CADPS2: variants seen among roughly 807,000 people sequenced by gnomAD.
The protein encoded by CADPS2 is calcium-dependent secretion activator 2.
A neutral mutation model predicts 172.5 loss-of-function variants in CADPS2; 93 were observed. The observed-to-expected ratio is 0.54, with a 90% CI of 0.46 to 0.64. The LOEUF is 0.64. Ranked by LOEUF, CADPS2 falls within the 30% of genes least tolerant of loss-of-function variation. The probability of loss-of-function intolerance (pLI) is 0.00; values close to 1 mark genes in which losing one functional copy is unlikely to be tolerated. For missense variants in CADPS2, 1,420 were observed against 1,565.9 expected, an observed-to-expected ratio of 0.91 and a Z score of 1.57; for synonymous variants, 546 against 555.2, an observed-to-expected ratio of 0.98 and a Z score of 0.23.
Position 122,886,277 on chromosome 7 carries a change from C to G in CADPS2, c.61G>C (p.Asp21His). ...GAGCTGCCGGCTGCCACCAGCACAT[C>G]GCGGCTTTCCTCTTCCAGCCCCTCG... ...SDEGLEEESR[D>H]VLVAAGSSQR... The change falls in exon 1 of 30, where the codon GAT becomes CAT. Residue 21 changes from aspartate (D) to histidine (H), a missense_variant. Physicochemically the swap from Asp to His is moderately conservative, Grantham distance 81. Coordinates refer to ENST00000449022, the MANE Select transcript of CADPS2 (RefSeq NM_017954.11). 1 of 1,505,298 alleles carries G rather than the reference C, an allele frequency of 6.6e-7. No individual in the cohort carries two copies. The highest frequency in any genetic ancestry group is 1.5e-5 in the African/African-American group (1 of 68,942). 93.2% of individuals were successfully genotyped at this position (1,505,298 alleles called of 1,614,324 possible).
intron 1 of CADPS2, among the ~76,000 whole-genome samples, chr7:122,875,140 C>A (rs190724833): frequency 2.4e-4 from 36 of 152,234 alleles, no homozygotes; most frequent in Non-Finnish European, 3.8e-4. Flanking sequence ...GATGTGTACA[C>A]GTTTGCAGAT....
At chr7:122,735,413 G>C (rs1189688031) in intron 2 of CADPS2, among the ~76,000 whole-genome samples, 3 of 152,072 alleles carry the variant, frequency 2.0e-5, no homozygotes, top group Non-Finnish European at 4.4e-5. Flanking sequence ...GTGCCCAGAA[G>C]AGAACATAAT....
chr7:122,379,159 C>T (rs2042697543), intron 25 of CADPS2: 1 of 390,778 alleles, frequency 2.6e-6, no homozygotes, highest in Non-Finnish European at 4.6e-6. Flanking sequence ...GTAGGAAAAG[C>T]CAAAATTTAT....
chr7:122,798,618 C>T, intron 1 of CADPS2, among the ~76,000 whole-genome samples: 1 of 152,074 alleles, frequency 6.6e-6, no homozygotes, highest in East Asian at 1.9e-4. Flanking sequence ...AATGAGGGCC[C>T]CTTACTGAAA....
chr7:122,534,508 T>C (rs779990082), intron 8 of CADPS2, among the ~76,000 whole-genome samples: 2 of 152,106 alleles, frequency 1.3e-5, no homozygotes, highest in African/African-American at 2.4e-5. Flanking sequence ...AATTGAGATA[T>C]TCACCATGCC....
chr7:122,841,494 C>T (rs1474954741), intron 1 of CADPS2, among the ~76,000 whole-genome samples: 2 of 152,170 alleles, frequency 1.3e-5, no homozygotes, highest in African/African-American at 2.4e-5. Context: ...CTATACCTTA[C>T]TGTATAAAAT....
At chr7:122,703,354 C>G (rs986390320) in intron 2 of CADPS2, among the ~76,000 whole-genome samples, 3 of 152,042 alleles carry the variant, frequency 2.0e-5, no homozygotes, top group Non-Finnish European at 4.4e-5. Flanking sequence ...TTCAACACTA[C>G]CGAATATGGC....
At chr7:122,321,156 T>TTGATTGATTGAC (rs762303920) in intron 29 of CADPS2, among the ~76,000 whole-genome samples, 1 of 152,186 alleles carries the variant, frequency 6.6e-6, no homozygotes, top group Non-Finnish European at 1.5e-5. Context: ...TTTACATTGA[T>TTGATTGATTGAC]TGATTGATTG....
intron 1 of CADPS2, among the ~76,000 whole-genome samples, chr7:122,862,793 C>T (rs1204067759): frequency 3.3e-5 from 5 of 151,628 alleles, no homozygotes; most frequent in Non-Finnish European, 5.9e-5. Context: ...AAATTATCTG[C>T]ACAATTCCAA....
intron 7 of CADPS2, among the ~76,000 whole-genome samples, chr7:122,572,537 C>A (rs142180379): frequency 5.7e-4 from 87 of 151,978 alleles, no homozygotes; most frequent in African/African-American, 2.0e-3. Flanking sequence ...TTTGGCAAAC[C>A]CTCCAAAAAT....
chr7:122,347,167 A>G (rs2037797075), intron 27 of CADPS2, among the ~76,000 whole-genome samples: 1 of 152,196 alleles, frequency 6.6e-6, no homozygotes, highest in South Asian at 2.1e-4. Context: ...AAATTAGGTT[A>G]AAGAGGATAT....
chr7:122,657,531 TG>T (rs2079957008), intron 3 of CADPS2, among the ~76,000 whole-genome samples: 1 of 151,882 alleles, frequency 6.6e-6, no homozygotes, highest in Non-Finnish European at 1.5e-5. Context: ...TCACATCCCT[TG>T]TAAGTTGGAT....
At chr7:122,342,132 G>T (rs553767670) in intron 28 of CADPS2, among the ~76,000 whole-genome samples, 1 of 152,100 alleles carries the variant, frequency 6.6e-6, no homozygotes, top group South Asian at 2.1e-4. Context: ...GACCTTTAAG[G>T]TAATGCAGAT....
At chr7:122,522,969 A>G (rs572457045) in intron 8 of CADPS2, among the ~76,000 whole-genome samples, 45 of 152,236 alleles carry the variant, frequency 3.0e-4, no homozygotes, top group Non-Finnish European at 5.4e-4. Flanking sequence ...TGATCCATTC[A>G]TTTGTTGATA....
chr7:122,676,750 A>T (rs1438024720), intron 2 of CADPS2: 6 of 1,361,386 alleles, frequency 4.4e-6, no homozygotes, highest in Non-Finnish European at 6.2e-6. Flanking sequence ...GATCCAGATT[A>T]TCATGGAGAA....
At chr7:122,812,795 A>G (rs1800346198) in intron 1 of CADPS2, among the ~76,000 whole-genome samples, 1 of 152,166 alleles carries the variant, frequency 6.6e-6, no homozygotes, top group Non-Finnish European at 1.5e-5. Flanking sequence ...GTATTATGGC[A>G]GACCAGATGC....
intron 25 of CADPS2, among the ~76,000 whole-genome samples, chr7:122,374,313 A>T (rs998188078): frequency 2.0e-5 from 3 of 152,170 alleles, no homozygotes; most frequent in African/African-American, 7.2e-5. Context: ...GTGAAAAAAT[A>T]ACTTTTTTCT....
intron 2 of CADPS2, chr7:122,702,847 A>G (rs2086389478): frequency 1.1e-6 from 1 of 880,830 alleles, no homozygotes; most frequent in African/African-American, 1.7e-5. Flanking sequence ...GCAGATTACT[A>G]AAGCACATAA....
chr7:122,763,936 T>C (rs1007635277), intron 1 of CADPS2, among the ~76,000 whole-genome samples: 1 of 152,182 alleles, frequency 6.6e-6, no homozygotes, highest in Non-Finnish European at 1.5e-5. Flanking sequence ...TATGATTACA[T>C]ATTTGTTTCA....
Sources: allele counts gnomAD v4.1 joint callset (sites outside exome capture counted in the v4.1 genomes callset), GRCh38; gene constraint gnomAD v4.1.1; transcripts MANE v1.5; gene names NCBI Gene and HGNC (gene_info 2026-07-23, HGNC 2026-07-21).